Variants in NR6A1 observed in about 807,000 individuals in gnomAD.
NR6A1 encodes retinoic acid receptor-related testis-associated receptor.
NR6A1 carries 7 observed loss-of-function variants against 59.1 expected under a neutral mutation model. The ratio of observed to expected loss-of-function variants is 0.12; its 90% CI spans 0.07 to 0.22. NR6A1 has a LOEUF of 0.22. Ranked by LOEUF, NR6A1 falls within the 10% of genes least tolerant of loss-of-function variation. NR6A1 has a pLI of 1.00. For missense variants in NR6A1, 468 were observed against 611.6 expected, an observed-to-expected ratio of 0.77 and a Z score of 2.48; for synonymous variants, 243 against 236.1, an observed-to-expected ratio of 1.03 and a Z score of -0.27.
chr9:124,579,618 G>A (rs1190689027), intron 2 of NR6A1, among the ~76,000 whole-genome samples: 1 of 152,104 alleles, frequency 6.6e-6, no homozygotes, highest in African/African-American at 2.4e-5. Flanking sequence ...AATATCAAGT[G>A]ATGGTGAAAA....
At chr9:124,623,007 C>G (rs969943898) in intron 2 of NR6A1, among the ~76,000 whole-genome samples, 4 of 152,158 alleles carry the variant, frequency 2.6e-5, no homozygotes, top group African/African-American at 9.7e-5. Flanking sequence ...ATGATGAACT[C>G]AGGGCCAGGC....
intron 3 of NR6A1, 44 bp downstream of exon 3, chr9:124,554,283 GT>G (rs1833868876): frequency 6.2e-7 from 1 of 1,613,214 alleles, no homozygotes; most frequent in South Asian, 1.1e-5. Flanking sequence ...TAAAGGTAAA[GT>G]TTTGAATGAA....
intron 2 of NR6A1, among the ~76,000 whole-genome samples, chr9:124,652,682 G>T (rs1236063533): frequency 6.6e-6 from 1 of 152,132 alleles, no homozygotes; most frequent in Non-Finnish European, 1.5e-5. Context: ...CCAGACTCTA[G>T]ATACAGCCCT....
At chr9:124,651,743 T>C (rs370950690) in intron 2 of NR6A1, among the ~76,000 whole-genome samples, 1 of 152,308 alleles carries the variant, frequency 6.6e-6, no homozygotes, top group South Asian at 2.1e-4. Context: ...ATCCATGGCT[T>C]TAATTATACA....
intron 1 of NR6A1, among the ~76,000 whole-genome samples, chr9:124,762,658 G>A (rs891141446): frequency 2.0e-5 from 3 of 152,140 alleles, no homozygotes; most frequent in Admixed American, 6.5e-5. Context: ...TGTGTAATCC[G>A]TTACATTAAA....
At chr9:124,740,365 A>C (rs1840141884) in intron 1 of NR6A1, among the ~76,000 whole-genome samples, 2 of 152,216 alleles carry the variant, frequency 1.3e-5, no homozygotes, top group Admixed American at 1.3e-4. Flanking sequence ...CCAAAACACA[A>C]ACACATCTGC....
chr9:124,710,351 A>G (rs1372089507), intron 2 of NR6A1, among the ~76,000 whole-genome samples: 2 of 152,248 alleles, frequency 1.3e-5, no homozygotes, highest in African/African-American at 4.8e-5. Flanking sequence ...TAATCCTACC[A>G]ACTGTATCAG....
At chr9:124,529,257 A>G (rs1238367518) in intron 7 of NR6A1, among the ~76,000 whole-genome samples, 1 of 152,234 alleles carries the variant, frequency 6.6e-6, no homozygotes, top group Non-Finnish European at 1.5e-5. Flanking sequence ...CCTGCGAGGC[A>G]CATTAAGTAT....
intron 1 of NR6A1, among the ~76,000 whole-genome samples, chr9:124,768,396 CA>C (rs1266166439): frequency 1.3e-5 from 2 of 152,102 alleles, no homozygotes; most frequent in African/African-American, 4.8e-5. Flanking sequence ...GTTCCATAGG[CA>C]AACTTAAAAA....
chr9:124,613,020 C>T (rs1262774267), intron 2 of NR6A1, among the ~76,000 whole-genome samples: 1 of 152,120 alleles, frequency 6.6e-6, no homozygotes, highest in Admixed American at 6.6e-5. Context: ...CATGGCAGTA[C>T]TGTATATAGT....
chr9:124,649,821 C>T (rs1308953757), intron 2 of NR6A1, among the ~76,000 whole-genome samples: 1 of 152,030 alleles, frequency 6.6e-6, no homozygotes, highest in Admixed American at 6.6e-5. Context: ...AGCAGACACA[C>T]AAATGGCTAA....
chr9:124,618,256 CG>C (rs1271970748), intron 2 of NR6A1, among the ~76,000 whole-genome samples: 5 of 152,056 alleles, frequency 3.3e-5, no homozygotes, highest in Non-Finnish European at 7.4e-5. Flanking sequence ...CTGAGGTAGG[CG>C]GATCACTTGA....
At chr9:124,607,030 G>A (rs886515234) in intron 2 of NR6A1, 4 of 152,092 alleles carry the variant, frequency 2.6e-5, no homozygotes, top group African/African-American at 9.7e-5. Context: ...TCAGAGATTG[G>A]GATACATACT....
rs576115142 is a variant in NR6A1, at chr9:124,582,262, G to A, written c.143-27692C>T. Among the ~76,000 whole-genome samples, 174 of 152,108 alleles carry A rather than the reference G, an allele frequency of 1.1e-3. 1 individual carries two copies. Among genetic ancestry groups the A allele is most frequent in the African/African-American group, 3.8e-3 (158 of 41,514 alleles). On this transcript the variant is annotated intron_variant, in intron 2 of 9. Coordinates refer to ENST00000487099, the MANE Select transcript of NR6A1 (RefSeq NM_033334.4). Reference sequence around the variant, plus strand: ...TCAGCCATAAAAAAGAACAAGATCTGCAAGGACACAGATGAAGCTGGGGGC... The same window carrying A: ...TCAGCCATAAAAAAGAACAAGATCTACAAGGACACAGATGAAGCTGGGGGC...
At chr9:124,731,069 A>G (rs935432446) in intron 2 of NR6A1, among the ~76,000 whole-genome samples, 3 of 152,120 alleles carry the variant, frequency 2.0e-5, no homozygotes, top group African/African-American at 7.2e-5. Flanking sequence ...GTGTTCAAAA[A>G]TGCTTCTAAG....
At chr9:124,624,048 A>G (rs1224815775) in intron 2 of NR6A1, among the ~76,000 whole-genome samples, 1 of 152,186 alleles carries the variant, frequency 6.6e-6, no homozygotes, top group African/African-American at 2.4e-5. Flanking sequence ...TAAGTTGCCC[A>G]AAGTCAAACA....
At chr9:124,701,592 A>T (rs1250397995) in intron 2 of NR6A1, among the ~76,000 whole-genome samples, 15 of 152,230 alleles carry the variant, frequency 9.9e-5, no homozygotes, top group Admixed American at 9.8e-4. Flanking sequence ...TTTTTGCCTC[A>T]ATGAATTTTG....
intron 2 of NR6A1, among the ~76,000 whole-genome samples, chr9:124,586,249 T>C (rs930554715): frequency 6.6e-6 from 1 of 152,184 alleles, no homozygotes; most frequent in Admixed American, 6.5e-5. Context: ...TAGATGCCAT[T>C]AAGGACATTT....
At chr9:124,598,714 C>G in intron 2 of NR6A1, 2 of 652,278 alleles carry the variant, frequency 3.1e-6, no homozygotes, top group Non-Finnish European at 2.6e-6. Flanking sequence ...TTTATTGTTT[C>G]TCCTCAGCAT....
Sources: allele counts gnomAD v4.1 joint callset (sites outside exome capture counted in the v4.1 genomes callset), GRCh38; gene constraint gnomAD v4.1.1; transcripts MANE v1.5; gene names NCBI Gene and HGNC (gene_info 2026-07-23, HGNC 2026-07-21).